The following HSD17B11 variants were observed in gnomAD, a reference collection of about 807,000 sequenced individuals.
HSD17B11 encodes hydroxysteroid 17-beta dehydrogenase 11.
A neutral mutation model predicts 27.8 loss-of-function variants in HSD17B11; 22 were observed. The observed-to-expected ratio is 0.79, with a 90% confidence interval of 0.56 to 1.13. The LOEUF (loss-of-function observed/expected upper bound fraction) is 1.13. Among genes scored for constraint, HSD17B11 ranks in the 50% most tolerant of loss-of-function variants. The pLI, the probability that HSD17B11 is intolerant of heterozygous loss-of-function variation, is 0.00. For missense variants in HSD17B11, 314 were observed against 351.1 expected, an observed-to-expected ratio of 0.89 and a Z score of 0.84; for synonymous variants, 117 against 132.8, an observed-to-expected ratio of 0.88 and a Z score of 0.82.
intron 5 of HSD17B11, among the ~76,000 whole-genome samples, chr4:87,347,116 C>CTTTTTTTTTTTTTTTTTTTTT: frequency 2.3e-5 from 1 of 44,290 alleles, no homozygotes; most frequent in Non-Finnish European, 3.6e-5. Context: ...TTTTTTTTTT[C>CTTTTTTTTTTTTTTTTTTTTT]TTTTTTTTTT....
chr4:87,354,717 G>A (rs935479363), intron 5 of HSD17B11, among the ~76,000 whole-genome samples: 6 of 151,524 alleles, frequency 4.0e-5, no homozygotes, highest in Non-Finnish European at 5.9e-5. Context: ...CCCTTCAAGT[G>A]GCCACACTGA....
intron 1 of HSD17B11, among the ~76,000 whole-genome samples, chr4:87,386,535 G>C (rs6839620): frequency 0.34 from 51,378 of 151,688 alleles, 9,584 homozygotes; most frequent in African/African-American, 0.47. Flanking sequence ...AATTCCTCCA[G>C]AAAAAATTCC....
intron 1 of HSD17B11, among the ~76,000 whole-genome samples, chr4:87,383,173 A>T (rs1350721467): frequency 6.6e-6 from 1 of 152,184 alleles, no homozygotes; most frequent in Non-Finnish European, 1.5e-5. Flanking sequence ...GGAAACCACT[A>T]GTAGGATTAG....
rs1161176700 is a variant in HSD17B11 at position 87,370,807 on chromosome 4, T to C, written c.557+1902A>G. 1.9e-4 allele frequency among the ~76,000 whole-genome samples: 18 copies of C among 96,674 alleles called. 3 individuals carry two copies. Among genetic ancestry groups the C allele is most frequent in the African/African-American group, 4.5e-4 (8 of 17,714 alleles). The allele number at this position is 96,674 out of a possible 152,430, so 63.4% of individuals were successfully genotyped here. A position where few individuals can be genotyped will look rare whatever the true frequency, so the allele number is the denominator to read the frequency against. On this transcript the variant is annotated intron_variant, in intron 4 of 6. Transcript: ENST00000358290. ...TCGCTCTGTCGCCCAGGCTGGAGTG[T>C]AGTGGCGCGATCTCGGCTCACTGCA...
rs1458682868 is a variant in HSD17B11, at chr4:87,372,811, GT to G, written c.454del (p.Thr152GlnfsTer8). 3.1e-6 allele frequency: 5 copies of G among 1,594,812 alleles called. No homozygotes were observed. The highest frequency in any genetic ancestry group is 4.3e-6 in the Non-Finnish European group (5 of 1,164,982). On this transcript the variant is annotated frameshift_variant, in exon 4 of 7. Transcript: ENST00000358290. LOFTEE classifies it high-confidence loss of function. ...EVNVLAHFWT[T>X]KAFLPAMTKN... ...CGTCATTGCAGGAAGAAATGCCTTT[GT>G]AGTCTACAAATAGTTTTTATTAAAA...
intron 6 of HSD17B11, among the ~76,000 whole-genome samples, chr4:87,339,421 T>G (rs890714197): frequency 1.3e-5 from 2 of 152,238 alleles, no homozygotes; most frequent in Non-Finnish European, 2.9e-5. Context: ...TCTGTGGCAG[T>G]TGCCTATTAA....
chr4:87,364,581 C>T (rs1735583565), intron 4 of HSD17B11, among the ~76,000 whole-genome samples: 1 of 152,194 alleles, frequency 6.6e-6, no homozygotes. Context: ...GCAACATCCT[C>T]ACCCCTCACT....
At position 87,390,969 on chromosome 4, in the gene HSD17B11, G is replaced by A. The variant is rs1720442402; in HGVS notation, c.102C>T (p.Val34=). Residue 34 remains valine, a synonymous_variant, in exon 1 of 7, where the codon GTC becomes GTT. Transcript: ENST00000358290. ...KLFIPKRRKS[V]TGEIVLITGA... ...CTGTAATCAGCACGATTTCGCCGGT[G>A]ACTGATTTTCTCCTCTTAGGAATAA... 3.1e-6 allele frequency: 5 copies of A among 1,614,074 alleles called. No individual in the cohort carries two copies. In the East Asian group the frequency reaches 8.9e-5, roughly 29 times the overall value.
At chr4:87,365,556 C>T (rs530067055) in intron 4 of HSD17B11, among the ~76,000 whole-genome samples, 1 of 152,088 alleles carries the variant, frequency 6.6e-6, no homozygotes, top group Non-Finnish European at 1.5e-5. Context: ...GAGAGTCAGC[C>T]CTTATCTGCA....
chr4:87,353,202 T>G (rs1343051601), intron 5 of HSD17B11, among the ~76,000 whole-genome samples: 1 of 150,812 alleles, frequency 6.6e-6, no homozygotes, highest in Non-Finnish European at 1.5e-5. Context: ...GGCACACATA[T>G]TTTCACTTTT....
chr4:87,390,515 C>T (rs1720430690), intron 1 of HSD17B11, among the ~76,000 whole-genome samples: 1 of 152,188 alleles, frequency 6.6e-6, no homozygotes, highest in South Asian at 2.1e-4. Flanking sequence ...TAGGTACAAG[C>T]TTCTTACTCT....
At chr4:87,346,793 C>T (rs1312276669) in intron 5 of HSD17B11, among the ~76,000 whole-genome samples, 6 of 151,884 alleles carry the variant, frequency 4.0e-5, no homozygotes, top group Non-Finnish European at 8.8e-5. Context: ...TGTGGCAGCT[C>T]ACGCCTATAG....
At chr4:87,353,293 A>G (rs1735319851) in intron 5 of HSD17B11, among the ~76,000 whole-genome samples, 1 of 152,182 alleles carries the variant, frequency 6.6e-6, no homozygotes, top group Non-Finnish European at 1.5e-5. Flanking sequence ...TAATTTCTCT[A>G]AACCTCAGAT....
At chr4:87,390,797 G>C in intron 1 of HSD17B11, 64 bp downstream of exon 1, 2 of 1,466,898 alleles carry the variant, frequency 1.4e-6, no homozygotes, top group Admixed American at 3.4e-5. Flanking sequence ...GTGGTTGCCA[G>C]CAAAATGCAG....
intron 5 of HSD17B11, among the ~76,000 whole-genome samples, chr4:87,344,481 C>T (rs751448618): frequency 6.6e-6 from 1 of 152,014 alleles, no homozygotes; most frequent in Non-Finnish European, 1.5e-5. Flanking sequence ...CAAGAGATCC[C>T]AAAATATTAT....
chr4:87,342,081 T>C (rs1735180249), intron 5 of HSD17B11, among the ~76,000 whole-genome samples: 1 of 151,954 alleles, frequency 6.6e-6, no homozygotes, highest in Non-Finnish European at 1.5e-5. Flanking sequence ...AATGTGTGTG[T>C]CTAGTTAAAA....
chr4:87,364,269 G>GGAA (rs1735577517), intron 4 of HSD17B11, among the ~76,000 whole-genome samples: 1 of 133,464 alleles, frequency 7.5e-6, no homozygotes, highest in Non-Finnish European at 1.6e-5. Context: ...TCCAGTTTTG[G>GGAA]GAAAAAAAAA....
intron 2 of HSD17B11, among the ~76,000 whole-genome samples, chr4:87,377,839 G>A (rs1578044747): frequency 6.6e-6 from 1 of 152,150 alleles, no homozygotes; most frequent in East Asian, 1.9e-4. Flanking sequence ...AATAGCCTAT[G>A]AGGGGCTTTT....
chr4:87,342,992 C>T (rs1356296206), intron 5 of HSD17B11, among the ~76,000 whole-genome samples: 3 of 152,178 alleles, frequency 2.0e-5, no homozygotes, highest in Non-Finnish European at 4.4e-5. Flanking sequence ...CATTTTGTAG[C>T]ACATTGCTAC....
Sources: allele counts gnomAD v4.1 joint callset (sites outside exome capture counted in the v4.1 genomes callset), GRCh38; gene constraint gnomAD v4.1.1; transcripts MANE v1.5; gene names NCBI Gene and HGNC (gene_info 2026-07-23, HGNC 2026-07-21).